NFATC3: variants seen among roughly 807,000 people sequenced by gnomAD.
NFATC3 encodes nuclear factor of activated T cells 3.
NFATC3 carries 46 observed loss-of-function variants against 98.6 expected under a neutral mutation model. The ratio of observed to expected loss-of-function variants is 0.47; its 90% confidence interval spans 0.37 to 0.60. The LOEUF (loss-of-function observed/expected upper bound fraction) is 0.60, where lower values mean the gene tolerates loss of function less well. Ranked by LOEUF, NFATC3 falls within the 20% of genes least tolerant of loss-of-function variation. The pLI is 0.00. For synonymous variants in NFATC3, 512 were observed against 472.2 expected (o/e 1.08, Z -1.09); for missense variants, 1,256 against 1,295.5 (o/e 0.97, Z 0.47).
At chr16:68,127,002 C>T (rs1260592003) in intron 3 of NFATC3, among the ~76,000 whole-genome samples, 1 of 152,098 alleles carries the variant, frequency 6.6e-6, no homozygotes, top group Non-Finnish European at 1.5e-5. Context: ...ATCACTAGCT[C>T]AGGAGTTCGA....
At chr16:68,097,474 T>C (rs1268022331) in intron 1 of NFATC3, among the ~76,000 whole-genome samples, 1 of 152,058 alleles carries the variant, frequency 6.6e-6, no homozygotes, top group African/African-American at 2.4e-5. Context: ...CAAAAGAGAT[T>C]TGAAAGTTAT....
chr16:68,107,533 G>A (rs1347496103), intron 1 of NFATC3, among the ~76,000 whole-genome samples: 1 of 152,082 alleles, frequency 6.6e-6, no homozygotes, highest in African/African-American at 2.4e-5. Flanking sequence ...GACCAGCCTG[G>A]CCAACATGAT....
At chr16:68,197,709 A>G (rs1485150539) in intron 9 of NFATC3, among the ~76,000 whole-genome samples, 1 of 152,234 alleles carries the variant, frequency 6.6e-6, no homozygotes, top group Admixed American at 6.5e-5. Flanking sequence ...TGTTAAGTCC[A>G]AAGTAATTTC....
intron 9 of NFATC3, among the ~76,000 whole-genome samples, chr16:68,193,954 G>T (rs1231050752): frequency 2.6e-5 from 4 of 152,098 alleles, no homozygotes; most frequent in African/African-American, 9.7e-5. Flanking sequence ...GATTGGTATG[G>T]TACAGGATGG....
chr16:68,172,371 G>A lies in NFATC3; in HGVS notation c.1775-2003G>A, dbSNP rs187134209. Reference sequence around the variant, plus strand: ...TCCCACCCACATACTAGAAGTAAAAGTGGACCTGTTTTCCAAATGTGAAGA... The same window carrying A: ...TCCCACCCACATACTAGAAGTAAAAATGGACCTGTTTTCCAAATGTGAAGA... On this transcript the variant is annotated intron_variant, in intron 5 of 9. Transcript: ENST00000346183. Among the ~76,000 whole-genome samples, 27 of 152,256 alleles carry A rather than the reference G, an allele frequency of 1.8e-4. No individual in the cohort carries two copies. In the East Asian group the frequency reaches 5.2e-3, roughly 29 times the overall value.
At chr16:68,214,262 C>A in intron 9 of NFATC3, 1 of 1,204,250 alleles carries the variant, frequency 8.3e-7, no homozygotes, top group Non-Finnish European at 1.2e-6. Context: ...AGGCTGGGCA[C>A]TGTAGTAGAT....
At chr16:68,098,565 G>T (rs1406306306) in intron 1 of NFATC3, among the ~76,000 whole-genome samples, 2 of 152,070 alleles carry the variant, frequency 1.3e-5, no homozygotes, top group Non-Finnish European at 2.9e-5. Context: ...GTCCCAAAGT[G>T]TTGGGATTAC....
At chr16:68,094,860 C>T (rs1487505141) in intron 1 of NFATC3, among the ~76,000 whole-genome samples, 1 of 152,190 alleles carries the variant, frequency 6.6e-6, no homozygotes, top group African/African-American at 2.4e-5. Flanking sequence ...GCTGGCTTCA[C>T]ACAGCTCTTT....
intron 9 of NFATC3, among the ~76,000 whole-genome samples, chr16:68,203,467 A>G (rs995870435): frequency 6.6e-6 from 1 of 151,988 alleles, no homozygotes; most frequent in African/African-American, 2.4e-5. Context: ...CCCTGTCTCT[A>G]TAAAAAATAC....
At position 68,085,663 on chromosome 16, in the gene NFATC3, A is replaced by G; in HGVS notation, c.-19A>G. The G allele has an allele frequency of 2.0e-6, 3 of 1,500,488 alleles. No homozygotes were observed. Among genetic ancestry groups the G allele is most frequent in the Admixed American group, 2.2e-5 (1 of 44,652 alleles). The allele number at this position is 1,500,488 out of a possible 1,614,324, so 92.9% of individuals were successfully genotyped here. ...CCGCCGCCGCCTGAGGAGGAGCTGC[A>G]GCACCCTGGGCCACGCCGATGACTA... is the stretch of plus-strand genomic sequence containing the variant. On this transcript the variant is annotated 5_prime_UTR_variant, in exon 1 of 10. Coordinates refer to ENST00000346183, the MANE Select transcript of NFATC3 (RefSeq NM_173165.3).
At chr16:68,219,261 T>C (rs2151175376) in intron 9 of NFATC3, among the ~76,000 whole-genome samples, 1 of 152,144 alleles carries the variant, frequency 6.6e-6, no homozygotes, top group African/African-American at 2.4e-5. Flanking sequence ...CAGGTACCTG[T>C]AATCCCAGCT....
At chr16:68,178,327 A>G (rs1242392602) in intron 6 of NFATC3, among the ~76,000 whole-genome samples, 1 of 152,198 alleles carries the variant, frequency 6.6e-6, no homozygotes, top group Non-Finnish European at 1.5e-5. Context: ...AGCTGGAAGT[A>G]TGTGGCTGTC....
chr16:68,166,982 T>G lies in NFATC3; in HGVS notation c.1741T>G (p.Ser581Ala). The change falls in exon 5 of 10, where the codon TCT becomes GCT. Residue 581 changes from serine to alanine, a missense_variant. Coordinates refer to ENST00000346183, the MANE Select transcript of NFATC3 (RefSeq NM_173165.3). ...CCCACAGCCCAGTGGAAAAGTCCTTTCTCTGCAGATAGCCTCTATACCCGT... is the reference window on the plus strand; with the variant it reads ...CCCACAGCCCAGTGGAAAAGTCCTTGCTCTGCAGATAGCCTCTATACCCGT... ...HIPQPSGKVL[S>A]LQIASIPVEC... 1 of 1,614,180 alleles carries G rather than the reference T, an allele frequency of 6.2e-7. No individual in the cohort carries two copies. The highest frequency in any genetic ancestry group is 8.5e-7 in the Non-Finnish European group (1 of 1,180,016).
At chr16:68,135,460 A>G (rs1203813972) in intron 3 of NFATC3, among the ~76,000 whole-genome samples, 3 of 52,324 alleles carry the variant, frequency 5.7e-5, no homozygotes. Context: ...TCCGTCTCAA[A>G]AAAAAAAAAA....
intron 3 of NFATC3, among the ~76,000 whole-genome samples, chr16:68,155,460 G>C (rs1459657285): frequency 6.6e-6 from 1 of 152,184 alleles, no homozygotes; most frequent in Non-Finnish European, 1.5e-5. Context: ...GAAATAAAGA[G>C]CAAGACTGAA....
chr16:68,126,375 CAAAG>C (rs775070830), intron 2 of NFATC3, 69 bp from the exon 3 acceptor site: 50 of 1,403,068 alleles, frequency 3.6e-5, no homozygotes, highest in South Asian at 7.0e-5. Context: ...TTGGTGCTGG[CAAAG>C]AAGCCATTTG....
chr16:68,193,872 A>G, intron 9 of NFATC3, among the ~76,000 whole-genome samples: 1 of 142,330 alleles, frequency 7.0e-6, no homozygotes, highest in African/African-American at 2.6e-5. Context: ...ATAGAGAAGA[A>G]GGGTATGTTT....
At chr16:68,185,722 G>A (rs983219326) in intron 8 of NFATC3, among the ~76,000 whole-genome samples, 5 of 152,070 alleles carry the variant, frequency 3.3e-5, no homozygotes, top group Non-Finnish European at 4.4e-5. Flanking sequence ...AATCAGCCGG[G>A]CATTGTGGCA....
Position 68,085,412 on chromosome 16 carries a change from G to A in NFATC3, c.-270G>A, listed in dbSNP as rs937094009. On this transcript the variant is annotated 5_prime_UTR_variant, in exon 1 of 10. Transcript: ENST00000346183. The stretch of plus-strand genomic sequence containing the variant: ...CCGCGGCGGCGGTGGCGGCGACTGT[G>A]GGGGGGCGGCGGGGAACATTGGCTA... 1.8e-4 allele frequency: 44 copies of A among 246,534 alleles called. No individual in the cohort carries two copies. The highest frequency in any genetic ancestry group is 2.6e-4 in the Non-Finnish European group (35 of 137,018). The allele number at this position is 246,534 out of a possible 1,614,324, so 15.3% of individuals were successfully genotyped here.
Sources: gnomAD v4.1 joint callset for allele counts (sites outside exome capture counted in the v4.1 genomes callset) on GRCh38, gnomAD v4.1.1 for gene constraint, MANE v1.5 for transcripts, NCBI Gene and HGNC (gene_info 2026-07-23, HGNC 2026-07-21) for gene names.